Variants in COPZ1 observed in about 807,000 individuals in gnomAD.
The protein encoded by COPZ1 is coatomer subunit zeta-1.
A neutral mutation model predicts 31.7 loss-of-function variants in COPZ1; 4 were observed. The ratio of observed to expected loss-of-function variants is 0.13; its 90% CI spans 0.06 to 0.29. COPZ1 has a LOEUF of 0.29. COPZ1 is among the 10% of genes least tolerant of loss of function. The pLI, the probability that COPZ1 is intolerant of heterozygous loss-of-function variation, is 1.00. For synonymous variants in COPZ1, 74 were observed against 79.0 expected, an observed-to-expected ratio of 0.94 and a Z score of 0.33; for missense variants, 156 against 211.5, an observed-to-expected ratio of 0.74 and a Z score of 1.63.
chr12:54,339,079 A>C (rs1329145131), intron 1 of COPZ1, among the ~76,000 whole-genome samples: 2 of 152,086 alleles, frequency 1.3e-5, no homozygotes, highest in East Asian at 3.9e-4. Context: ...GAGGTAGCAA[A>C]GCAACAGCCT....
chr12:54,345,906 G>A (rs896514678), intron 5 of COPZ1, among the ~76,000 whole-genome samples: 26 of 150,426 alleles, frequency 1.7e-4, no homozygotes, highest in African/African-American at 3.2e-4. Context: ...GCAGTGAGCC[G>A]AGATCGCGCC....
At chr12:54,328,608 T>G (rs1444979776) in intron 1 of COPZ1, among the ~76,000 whole-genome samples, 3 of 152,136 alleles carry the variant, frequency 2.0e-5, no homozygotes, top group Non-Finnish European at 4.4e-5. Flanking sequence ...ACATTTCTCT[T>G]CCCTTAGTTC....
intron 1 of COPZ1, among the ~76,000 whole-genome samples, chr12:54,327,423 G>A (rs963606604): frequency 2.0e-5 from 3 of 151,070 alleles, no homozygotes; most frequent in Admixed American, 6.6e-5. Flanking sequence ...TCAGCCTCAC[G>A]AGTAGCTGGG....
At chr12:54,339,266 A>G (rs1186695124) in intron 1 of COPZ1, among the ~76,000 whole-genome samples, 2 of 151,684 alleles carry the variant, frequency 1.3e-5, no homozygotes, top group African/African-American at 2.4e-5. Flanking sequence ...TTAAAAAAAA[A>G]AAAAAAAAAA....
chr12:54,338,514 C>T (rs1953912385), intron 1 of COPZ1, among the ~76,000 whole-genome samples: 1 of 152,188 alleles, frequency 6.6e-6, no homozygotes, highest in Non-Finnish European at 1.5e-5. Context: ...ACAGGATGGA[C>T]ATCTCTAAGG....
At chr12:54,334,689 TA>T (rs1189629126) in intron 1 of COPZ1, among the ~76,000 whole-genome samples, 1 of 151,052 alleles carries the variant, frequency 6.6e-6, no homozygotes, top group Non-Finnish European at 1.5e-5. Context: ...CCGTCTCTAC[TA>T]AAAAAAATAC....
intron 1 of COPZ1, chr12:54,337,159 G>A: frequency 1.9e-6 from 1 of 531,764 alleles, no homozygotes; most frequent in South Asian, 1.4e-5. Context: ...ATAAATACAT[G>A]AAAATCTGTC....
At chr12:54,340,661 T>C in intron 2 of COPZ1, 46 bp downstream of exon 2, 1 of 1,583,774 alleles carries the variant, frequency 6.3e-7, no homozygotes, top group Non-Finnish European at 8.6e-7. Flanking sequence ...CAAAGGTTTA[T>C]TCTGAGATTT....
Position 54,350,739 on chromosome 12 carries a change from A to T in COPZ1, c.*216A>T. 1.7e-6 allele frequency: 1 copy of T among 589,998 alleles called. No individual in the cohort carries two copies. The highest frequency in any genetic ancestry group is 3.0e-6 in the Non-Finnish European group (1 of 328,706). 36.5% of individuals were successfully genotyped at this position (589,998 alleles called of 1,614,324 possible). On this transcript the variant is annotated 3_prime_UTR_variant, in exon 9 of 9. Transcript: ENST00000262061. ...CAGTTCTGGGAGTAAAGCTCCCAGC[A>T]TATTTAGATAATAGGGCAGGGGAAG...
intron 1 of COPZ1, 102 bp downstream of exon 1, chr12:54,325,283 C>G: frequency 7.1e-7 from 1 of 1,417,428 alleles, no homozygotes; most frequent in Admixed American, 2.3e-5. Context: ...CCGGGTAATT[C>G]TTGGGGACTG....
At chr12:54,337,285 A>G (rs773312042) in intron 1 of COPZ1, 9 of 534,604 alleles carry the variant, frequency 1.7e-5, no homozygotes, top group African/African-American at 1.5e-4. Context: ...AAGTCAGTGC[A>G]TCACAGAACT....
chr12:54,330,683 G>T (rs1953734898), intron 1 of COPZ1, among the ~76,000 whole-genome samples: 1 of 152,140 alleles, frequency 6.6e-6, no homozygotes, highest in South Asian at 2.1e-4. Context: ...GCAGGTTTAG[G>T]GTCTTTTTTA....
At chr12:54,325,943 C>T (rs1164534090) in intron 1 of COPZ1, among the ~76,000 whole-genome samples, 1 of 150,122 alleles carries the variant, frequency 6.7e-6, no homozygotes, top group Admixed American at 6.6e-5. Context: ...CTCAGCCTCC[C>T]GCGTAGTTGG....
intron 1 of COPZ1, among the ~76,000 whole-genome samples, chr12:54,334,081 A>T (rs1475234617): frequency 6.6e-6 from 1 of 151,380 alleles, no homozygotes; most frequent in Non-Finnish European, 1.5e-5. Flanking sequence ...GGGTGACAAG[A>T]AATAATAATA....
Position 54,349,759 on chromosome 12 carries a change from C to G in COPZ1, c.486+101C>G, listed in dbSNP as rs529165191. 1.1e-4 allele frequency: 105 copies of G among 966,970 alleles called. 2 individuals are homozygous for G. The South Asian group carries it at 1.3e-3, about 12-fold the overall frequency. 59.9% of individuals were successfully genotyped at this position (966,970 alleles called of 1,614,324 possible). On this transcript the variant is annotated intron_variant, in intron 8 of 8. Transcript: ENST00000262061. ...TCAAATCTGAGTGAAACTAGAGACT[C>G]AAGACACATCTTCCTTGGCTCCCTC...
chr12:54,326,640 G>GGGGT (rs1286757830), intron 1 of COPZ1, among the ~76,000 whole-genome samples: 12 of 134,486 alleles, frequency 8.9e-5, no homozygotes, highest in Non-Finnish European at 1.7e-4. Flanking sequence ...GATTTGGAGG[G>GGGGT]GTGTGTGTGT....
intron 1 of COPZ1, among the ~76,000 whole-genome samples, chr12:54,333,573 G>T (rs185154163): frequency 6.6e-6 from 1 of 152,242 alleles, no homozygotes; most frequent in African/African-American, 2.4e-5. Context: ...CAGGCATGGT[G>T]GTGCATGCCT....
intron 1 of COPZ1, among the ~76,000 whole-genome samples, chr12:54,329,049 A>G (rs531499541): frequency 4.6e-5 from 7 of 152,278 alleles, no homozygotes; most frequent in Admixed American, 2.6e-4. Context: ...AGATTTGTCT[A>G]ATCTCTCTCA....
At chr12:54,325,335 A>G (rs1953609919) in intron 1 of COPZ1, 154 bp downstream of exon 1, 2 of 1,028,490 alleles carry the variant, frequency 1.9e-6, no homozygotes, top group Non-Finnish European at 2.8e-6. Flanking sequence ...GGCCTAGTGT[A>G]GGAGCTAAAG....
Sources: gnomAD v4.1 joint callset for allele counts (sites outside exome capture counted in the v4.1 genomes callset) on GRCh38, gnomAD v4.1.1 for gene constraint, MANE v1.5 for transcripts, NCBI Gene and HGNC (gene_info 2026-07-23, HGNC 2026-07-21) for gene names.